The following MXI1 variants were observed in gnomAD, a reference collection of about 807,000 sequenced individuals.
The protein encoded by MXI1 is MAX interactor 1, dimerization protein.
MXI1 carries 18 observed loss-of-function variants against 36.9 expected under a neutral mutation model. The observed-to-expected ratio is 0.49, with a 90% CI of 0.34 to 0.72. MXI1 has a LOEUF of 0.72. Ranked by LOEUF, MXI1 falls within the 30% of genes least tolerant of loss-of-function variation. The pLI is 0.01. For synonymous variants in MXI1, 160 were observed against 146.7 expected, an observed-to-expected ratio of 1.09 and a Z score of -0.65; for missense variants, 304 against 379.1, an observed-to-expected ratio of 0.80 and a Z score of 1.64.
At chr10:110,273,665 G>A (rs1485660861) in intron 3 of MXI1, among the ~76,000 whole-genome samples, 1 of 152,224 alleles carries the variant, frequency 6.6e-6, no homozygotes, top group Admixed American at 6.5e-5. Flanking sequence ...CAGCTTTGAA[G>A]AATGTGGCTC....
At chr10:110,262,292 G>A (rs1856543210) in intron 3 of MXI1, among the ~76,000 whole-genome samples, 1 of 152,034 alleles carries the variant, frequency 6.6e-6, no homozygotes, top group African/African-American at 2.4e-5. Context: ...GTAATCTAGA[G>A]ATGATTTAAG....
At position 110,207,729 on chromosome 10, in the gene MXI1, C is replaced by T. The variant is rs910924840; in HGVS notation, c.-80C>T. Reference sequence around the variant, plus strand: ...CGGCGCCTTCTCTGCTCCAGCCGGCCGGGTCTCCCTGGGGGCCCGGAGCTC... The same window carrying T: ...CGGCGCCTTCTCTGCTCCAGCCGGCTGGGTCTCCCTGGGGGCCCGGAGCTC... On this transcript the variant is annotated 5_prime_UTR_variant, in exon 1 of 6. Coordinates refer to ENST00000332674, the MANE Select transcript of MXI1 (RefSeq NM_130439.3). 3 of 991,428 alleles carry T rather than the reference C, an allele frequency of 3.0e-6. No homozygotes were observed. The African/African-American group carries it at 5.2e-5, about 17-fold the overall frequency. The allele number at this position is 991,428 out of a possible 1,614,324, so 61.4% of individuals were successfully genotyped here.
chr10:110,233,101 G>C (rs1308318761), intron 2 of MXI1, among the ~76,000 whole-genome samples: 2 of 152,130 alleles, frequency 1.3e-5, no homozygotes, highest in Non-Finnish European at 2.9e-5. Context: ...TTAATTTCAA[G>C]TTGATATATT....
At chr10:110,238,950 T>A (rs1163344517) in intron 2 of MXI1, among the ~76,000 whole-genome samples, 4 of 152,174 alleles carry the variant, frequency 2.6e-5, no homozygotes, top group Non-Finnish European at 4.4e-5. Flanking sequence ...ACTGTTTTTG[T>A]ATTGTAATTT....
At chr10:110,278,118 CTG>C (rs1255520590) in intron 3 of MXI1, among the ~76,000 whole-genome samples, 4 of 152,168 alleles carry the variant, frequency 2.6e-5, no homozygotes, top group Non-Finnish European at 4.4e-5. Flanking sequence ...TTCAGATATG[CTG>C]TTAACTGCTG....
chr10:110,264,131 A>C (rs1856608287), intron 3 of MXI1, among the ~76,000 whole-genome samples: 1 of 151,956 alleles, frequency 6.6e-6, no homozygotes, highest in African/African-American at 2.4e-5. Context: ...TTTTTCCACA[A>C]AGGTATATGA....
intron 3 of MXI1, among the ~76,000 whole-genome samples, chr10:110,275,437 T>C (rs753933953): frequency 4.6e-5 from 7 of 152,162 alleles, no homozygotes; most frequent in South Asian, 2.1e-4. Context: ...AGCAGCATCA[T>C]TGAAAAGGAA....
rs10656872 is a variant in MXI1, at chr10:110,216,665, G to GTTTTTTTTTTTTTTTTTT, written c.274+8586_274+8603dup. Among the ~76,000 whole-genome samples the GTTTTTTTTTTTTTTTTTT allele has an allele frequency of 4.2e-4, 33 of 79,058 alleles. 6 individuals are homozygous for GTTTTTTTTTTTTTTTTTT. The highest frequency in any genetic ancestry group is 1.1e-3 in the African/African-American group (14 of 12,586). 51.9% of individuals were successfully genotyped at this position (79,058 alleles called of 152,430 possible). A position where few individuals can be genotyped will look rare whatever the true frequency, so the allele number is the denominator to read the frequency against. On this transcript the variant is annotated intron_variant, in intron 1 of 5. Coordinates refer to ENST00000332674, the MANE Select transcript of MXI1 (RefSeq NM_130439.3). ...CCTGTCTCCCCTATCTGTGTTTAATGTTTTTTTTTTTTTTTTTTTTGGAGA... is the reference window on the plus strand; with the variant it reads ...CCTGTCTCCCCTATCTGTGTTTAATGTTTTTTTTTTTTTTTTTTTTTTTTTTTTTTTTTTTTTTGGAGA...
intron 3 of MXI1, among the ~76,000 whole-genome samples, chr10:110,270,489 A>G (rs572998293): frequency 5.9e-5 from 9 of 151,950 alleles, no homozygotes; most frequent in African/African-American, 2.2e-4. Flanking sequence ...TTCCTTAGAC[A>G]TGAATGCAGG....
intron 1 of MXI1, among the ~76,000 whole-genome samples, chr10:110,214,778 C>G (rs1261397857): frequency 6.6e-6 from 1 of 151,882 alleles, no homozygotes; most frequent in African/African-American, 2.4e-5. Context: ...ACACCTAACC[C>G]CCGACAGCTC....
At chr10:110,248,554 A>G (rs1005701875) in intron 3 of MXI1, among the ~76,000 whole-genome samples, 8 of 152,152 alleles carry the variant, frequency 5.3e-5, no homozygotes, top group African/African-American at 1.9e-4. Context: ...GTAATCTCCA[A>G]TAAAAGTCAT....
chr10:110,272,911 G>T (rs1856899371), intron 3 of MXI1, among the ~76,000 whole-genome samples: 1 of 151,834 alleles, frequency 6.6e-6, no homozygotes, highest in Non-Finnish European at 1.5e-5. Context: ...CTGACACTAG[G>T]GACCTGCCAC....
intron 3 of MXI1, among the ~76,000 whole-genome samples, chr10:110,261,883 AAAATT>A (rs1856525155): frequency 6.6e-6 from 1 of 152,130 alleles, no homozygotes; most frequent in Non-Finnish European, 1.5e-5. Context: ...GTTTATAATA[AAAATT>A]AGAAGTAACA....
intron 2 of MXI1, among the ~76,000 whole-genome samples, chr10:110,232,287 T>G (rs1855300150): frequency 1.3e-5 from 2 of 152,216 alleles, no homozygotes; most frequent in African/African-American, 2.4e-5. Context: ...TTGGCCAGCC[T>G]TCTTTTGATT....
chr10:110,233,064 G>A (rs948309384), intron 2 of MXI1, among the ~76,000 whole-genome samples: 42 of 152,172 alleles, frequency 2.8e-4, no homozygotes, highest in African/African-American at 9.2e-4. Context: ...AGGTAATCTG[G>A]GAAGTAGTAA....
intron 3 of MXI1, among the ~76,000 whole-genome samples, chr10:110,268,185 T>C (rs1414128908): frequency 1.2e-4 from 18 of 152,222 alleles, no homozygotes; most frequent in Non-Finnish European, 8.8e-5. Context: ...TCCACCTGTC[T>C]CTTCCTTCTT....
chr10:110,256,875 T>G (rs1181399523), intron 3 of MXI1, among the ~76,000 whole-genome samples: 2 of 152,214 alleles, frequency 1.3e-5, no homozygotes, highest in Non-Finnish European at 2.9e-5. Flanking sequence ...ACTGCACAGA[T>G]GGCTCAACAC....
In MXI1 at chr10:110,285,374, C is replaced by T. The variant is rs375630519; in HGVS notation, c.*387C>T. The stretch of plus-strand genomic sequence containing the variant: ...TTTAAGGATGGGGTTATGAACCCTT[C>T]CTGAGCTTTATGGTCCTAAAAGCAA... On this transcript the variant is annotated 3_prime_UTR_variant, in exon 6 of 6. Transcript: ENST00000332674. 144 of 159,726 alleles carry T rather than the reference C, an allele frequency of 9.0e-4. No homozygotes were observed. Among genetic ancestry groups the T allele is most frequent in the Non-Finnish European group, 1.6e-3 (117 of 72,976 alleles). The allele number at this position is 159,726 out of a possible 1,614,324, so 9.9% of individuals were successfully genotyped here. A position where few individuals can be genotyped will look rare whatever the true frequency, so the allele number is the denominator to read the frequency against.
chr10:110,239,647 C>T (rs1345295054), intron 2 of MXI1, among the ~76,000 whole-genome samples: 2 of 152,034 alleles, frequency 1.3e-5, no homozygotes, highest in African/African-American at 4.8e-5. Flanking sequence ...TCATCCTTTA[C>T]AAAGCACATT....
Sources: gnomAD v4.1 joint callset for allele counts (sites outside exome capture counted in the v4.1 genomes callset) on GRCh38, gnomAD v4.1.1 for gene constraint, MANE v1.5 for transcripts, NCBI Gene and HGNC (gene_info 2026-07-23, HGNC 2026-07-21) for gene names.